The following NIPBL variants were observed in gnomAD, a reference collection of about 807,000 sequenced individuals.
NIPBL encodes nipped-B-like protein.
Under a neutral mutation model 321.8 loss-of-function variants are expected in NIPBL, and 19 were observed. The observed-to-expected ratio is 0.06, with a 90% CI of 0.04 to 0.09. The LOEUF (loss-of-function observed/expected upper bound fraction) is 0.09. Ranked by LOEUF, NIPBL falls within the 10% of genes least tolerant of loss-of-function variation. The probability of loss-of-function intolerance (pLI) is 1.00; values close to 1 mark genes in which losing one functional copy is unlikely to be tolerated. For missense variants in NIPBL, 2,210 were observed against 3,327.0 expected, an observed-to-expected ratio of 0.66 and a Z score of 8.26; for synonymous variants, 1,106 against 1,114.1, an observed-to-expected ratio of 0.99 and a Z score of 0.14.
intron 1 of NIPBL, among the ~76,000 whole-genome samples, chr5:36,923,064 G>A (rs543881594): frequency 2.6e-5 from 4 of 152,026 alleles, no homozygotes; most frequent in Admixed American, 1.3e-4. Flanking sequence ...CGAGGCGGGC[G>A]GATCACGAGG....
intron 10 of NIPBL, among the ~76,000 whole-genome samples, chr5:36,990,173 AG>A (rs1484432792): frequency 6.6e-6 from 1 of 152,234 alleles, no homozygotes; most frequent in Non-Finnish European, 1.5e-5. Context: ...TGTATCTAGC[AG>A]CTTTAATAGT....
intron 6 of NIPBL, among the ~76,000 whole-genome samples, chr5:36,965,016 G>C (rs964421108): frequency 6.6e-6 from 1 of 152,072 alleles, no homozygotes; most frequent in African/African-American, 2.4e-5. Context: ...TTTTCAAAAA[G>C]ACAGGTAATA....
intron 1 of NIPBL, among the ~76,000 whole-genome samples, chr5:36,927,926 TCCACCTGCCTCAGCCTC>T (rs779484760): frequency 6.6e-6 from 1 of 151,836 alleles, no homozygotes; most frequent in Non-Finnish European, 1.5e-5. Flanking sequence ...CCTCAGGTGA[TCCACCTGCCTCAGCCTC>T]CCGAAGTAGA....
chr5:36,990,447 G>A lies in NIPBL; in HGVS notation c.3121+4146G>A, dbSNP rs561047299. On this transcript the variant is annotated intron_variant, in intron 10 of 46. Coordinates refer to ENST00000282516, the MANE Select transcript of NIPBL (RefSeq NM_133433.4). The stretch of plus-strand genomic sequence containing the variant: ...ATTAATTCCTAAATGAGGAATTTTC[G>A]GTGTTTTCTTTAAAGTAGATTGTAA... Among the ~76,000 whole-genome samples, 125 of 152,112 alleles carry A rather than the reference G, an allele frequency of 8.2e-4. 2 individuals carry two copies. The South Asian group carries it at 0.016, about 20-fold the overall frequency.
chr5:36,889,220 T>C (rs1037158179), intron 1 of NIPBL, among the ~76,000 whole-genome samples: 5 of 152,084 alleles, frequency 3.3e-5, no homozygotes, highest in Admixed American at 2.0e-4. Flanking sequence ...AAAGAATTGG[T>C]GTAATTTAGT....
At chr5:36,944,287 T>A (rs1456704557) in intron 1 of NIPBL, among the ~76,000 whole-genome samples, 2 of 152,154 alleles carry the variant, frequency 1.3e-5, no homozygotes, top group Non-Finnish European at 2.9e-5. Context: ...TAGAGATCAG[T>A]ATGCAGATGA....
At chr5:36,919,750 C>T (rs1748774932) in intron 1 of NIPBL, among the ~76,000 whole-genome samples, 1 of 152,064 alleles carries the variant, frequency 6.6e-6, no homozygotes, top group African/African-American at 2.4e-5. Flanking sequence ...GATCCATATG[C>T]ATAATGAAAA....
chr5:36,940,372 G>C (rs1215474433), intron 1 of NIPBL, among the ~76,000 whole-genome samples: 2 of 152,126 alleles, frequency 1.3e-5, no homozygotes, highest in African/African-American at 4.8e-5. Context: ...CCTTCAGCTT[G>C]TCTGTCAGGT....
chr5:36,961,721 G>A (rs1204995201), intron 5 of NIPBL, 138 bp downstream of exon 5: 3 of 706,804 alleles, frequency 4.2e-6, no homozygotes, highest in Non-Finnish European at 7.6e-6. Context: ...AATCCACTTT[G>A]CATTTGCCTT....
At chr5:36,960,688 AAG>A (rs1238787330) in intron 4 of NIPBL, among the ~76,000 whole-genome samples, 1 of 152,192 alleles carries the variant, frequency 6.6e-6, no homozygotes, top group Non-Finnish European at 1.5e-5. Flanking sequence ...GCTGCCAAAA[AAG>A]AGATTGGCTA....
chr5:37,033,728 A>ATTTTTTTTTTT (rs1423279625), intron 32 of NIPBL, among the ~76,000 whole-genome samples: 2 of 48,390 alleles, frequency 4.1e-5, no homozygotes, highest in Non-Finnish European at 8.3e-5. Flanking sequence ...ATATATATAT[A>ATTTTTTTTTTT]TATTTTTTTT....
At chr5:37,048,995 A>T in intron 39 of NIPBL, 116 bp from the exon 40 acceptor site, 1 of 1,017,452 alleles carries the variant, frequency 9.8e-7, no homozygotes, top group Non-Finnish European at 1.5e-6. Flanking sequence ...AGAACCATTG[A>T]GCCAGAACAC....
intron 42 of NIPBL, 60 bp downstream of exon 42, chr5:37,052,626 G>A (rs1442504972): frequency 7.6e-7 from 1 of 1,316,822 alleles, no homozygotes; most frequent in African/African-American, 1.5e-5. Context: ...TATGGATAAA[G>A]TAGTCATTTT....
At chr5:36,979,761 C>T (rs572375239) in intron 9 of NIPBL, among the ~76,000 whole-genome samples, 120 of 151,688 alleles carry the variant, frequency 7.9e-4, no homozygotes, top group Middle Eastern at 3.4e-3. Context: ...TAAAAGTATA[C>T]GCATATCAAA....
At position 37,000,847 on chromosome 5, in the gene NIPBL, A is replaced by G. The variant is rs772932503; in HGVS notation, c.3533A>G (p.Gln1178Arg). ...VARKMKKKEKQKKRKAYEPKL... is the reference protein window; with the variant it reads ...VARKMKKKEKRKKRKAYEPKL... Reference sequence around the variant, plus strand: ...AGGAAAATGAAGAAAAAAGAAAAACAGAAGAAAAGGAAAGCATATGAACCA... The same window carrying G: ...AGGAAAATGAAGAAAAAAGAAAAACGGAAGAAAAGGAAAGCATATGAACCA... The change falls in exon 13 of 47, where the codon CAG becomes CGG. Residue 1178 changes from glutamine to arginine, a missense_variant. Coordinates refer to ENST00000282516, the MANE Select transcript of NIPBL (RefSeq NM_133433.4). The G allele has an allele frequency of 3.1e-6, 5 of 1,612,148 alleles. No homozygotes were observed. In the Admixed American group the frequency reaches 6.7e-5, roughly 22 times the overall value.
chr5:37,003,168 C>T (rs967602120), intron 15 of NIPBL, 93 bp from the exon 16 acceptor site: 3 of 809,916 alleles, frequency 3.7e-6, no homozygotes, highest in Non-Finnish European at 4.3e-6. Flanking sequence ...GCTATTTCCT[C>T]CATAGCTCAA....
intron 9 of NIPBL, among the ~76,000 whole-genome samples, chr5:36,978,422 T>C (rs1380349131): frequency 6.6e-6 from 1 of 152,112 alleles, no homozygotes; most frequent in Non-Finnish European, 1.5e-5. Flanking sequence ...TTCATGTCTT[T>C]TGCCCACTTT....
At chr5:37,004,901 A>G (rs1490665669) in intron 16 of NIPBL, among the ~76,000 whole-genome samples, 5 of 152,116 alleles carry the variant, frequency 3.3e-5, no homozygotes, top group Non-Finnish European at 7.4e-5. Flanking sequence ...ATTTTATTTT[A>G]TCTTATGAGG....
intron 1 of NIPBL, among the ~76,000 whole-genome samples, chr5:36,951,404 G>T (rs1740272754): frequency 6.6e-6 from 1 of 152,086 alleles, no homozygotes; most frequent in Admixed American, 6.6e-5. Context: ...TACTTAATCT[G>T]CTTGAATATG....
Sources: gnomAD v4.1 joint callset for allele counts (sites outside exome capture counted in the v4.1 genomes callset) on GRCh38, gnomAD v4.1.1 for gene constraint, MANE v1.5 for transcripts, NCBI Gene and HGNC (gene_info 2026-07-23, HGNC 2026-07-21) for gene names.